Variants in ZMAT4 observed in about 807,000 individuals in gnomAD.
ZMAT4 encodes zinc finger matrin-type 4.
In ZMAT4, 17 loss-of-function variants were observed where a neutral mutation model predicts 28.7. That is an observed-to-expected ratio of 0.59 (90% CI 0.41 to 0.89). The LOEUF is 0.89. Among genes scored for constraint, ZMAT4 ranks in the 40% least tolerant of loss-of-function variants. ZMAT4 has a pLI of 0.00. For missense variants in ZMAT4, 240 were observed against 283.8 expected (o/e 0.85, Z 1.11); for synonymous variants, 117 against 109.2 (o/e 1.07, Z -0.44).
At chr8:40,727,447 A>C (rs1026228778) in intron 3 of ZMAT4, among the ~76,000 whole-genome samples, 7 of 152,222 alleles carry the variant, frequency 4.6e-5, no homozygotes, top group Non-Finnish European at 8.8e-5. Context: ...CAAAGGCCAC[A>C]GCTTAATCCA....
At chr8:40,891,217 G>GGAGAA (rs1440958217) in intron 1 of ZMAT4, among the ~76,000 whole-genome samples, 1 of 41,722 alleles carries the variant, frequency 2.4e-5, no homozygotes, top group Non-Finnish European at 4.7e-5. Context: ...GGAGAGGAGA[G>GGAGAA]GAGAGGAGAA....
At chr8:40,845,697 A>G (rs1433066187) in intron 1 of ZMAT4, among the ~76,000 whole-genome samples, 1 of 150,674 alleles carries the variant, frequency 6.6e-6, no homozygotes, top group Non-Finnish European at 1.5e-5. Context: ...TGCTGTCCCA[A>G]GGAATTGCAA....
At chr8:40,586,800 C>T (rs962592023) in intron 5 of ZMAT4, among the ~76,000 whole-genome samples, 2 of 152,040 alleles carry the variant, frequency 1.3e-5, no homozygotes, top group African/African-American at 4.8e-5. Context: ...AGACAGAGTA[C>T]ATTTTCTTAT....
At chr8:40,590,757 T>C (rs1457975084) in intron 5 of ZMAT4, among the ~76,000 whole-genome samples, 2 of 151,560 alleles carry the variant, frequency 1.3e-5, no homozygotes, top group African/African-American at 4.8e-5. Flanking sequence ...GAATCAACAG[T>C]CATATTGAAC....
At chr8:40,551,123 C>A (rs894498700) in intron 6 of ZMAT4, among the ~76,000 whole-genome samples, 9 of 152,048 alleles carry the variant, frequency 5.9e-5, no homozygotes, top group Non-Finnish European at 1.0e-4. Flanking sequence ...GCCTACAATC[C>A]ATAATGGTTC....
Position 40,697,369 on chromosome 8 carries a change from C to T in ZMAT4, c.225G>A (p.Lys75=), listed in dbSNP as rs1443722093. The T allele has an allele frequency of 6.2e-7, 1 of 1,609,000 alleles. No individual in the cohort carries two copies. The highest frequency in any genetic ancestry group is 1.3e-5 in the African/African-American group (1 of 74,718). The change falls in exon 4 of 7, where the codon AAG becomes AAA. Residue 75 remains lysine, a synonymous_variant. Coordinates refer to ENST00000297737, the MANE Select transcript of ZMAT4 (RefSeq NM_024645.3). ...GSDADMVDKN[K]CCTLCNMSFT... is the part of the protein sequence containing the mutation. ...ATGACATGTTGCAGAGTGTGCAGCA[C>T]TTGTTCTTATCCACCATGTCGGCAT...
intron 5 of ZMAT4, among the ~76,000 whole-genome samples, chr8:40,623,494 A>G (rs973832046): frequency 2.0e-5 from 3 of 152,224 alleles, no homozygotes; most frequent in Admixed American, 6.5e-5. Context: ...AGTTACTCAC[A>G]AGAGAAGCCA....
At chr8:40,589,405 T>A (rs1804777074) in intron 5 of ZMAT4, among the ~76,000 whole-genome samples, 2 of 152,172 alleles carry the variant, frequency 1.3e-5, no homozygotes, top group African/African-American at 4.8e-5. Context: ...TGAAAAGCTC[T>A]TTCAATATCA....
chr8:40,847,707 C>T (rs1400360803), intron 1 of ZMAT4, among the ~76,000 whole-genome samples: 1 of 152,116 alleles, frequency 6.6e-6, no homozygotes, highest in Non-Finnish European at 1.5e-5. Flanking sequence ...TTTCACGTTC[C>T]CTATAATTGG....
intron 6 of ZMAT4, among the ~76,000 whole-genome samples, chr8:40,532,767 G>A (rs910125956): frequency 6.6e-6 from 1 of 152,140 alleles, no homozygotes; most frequent in African/African-American, 2.4e-5. Flanking sequence ...GGAGGTAGAG[G>A]TGGGCAGATC....
intron 2 of ZMAT4, among the ~76,000 whole-genome samples, chr8:40,777,119 T>G (rs1331212324): frequency 1.3e-5 from 2 of 152,056 alleles, no homozygotes; most frequent in African/African-American, 4.8e-5. Flanking sequence ...TGTACAACTT[T>G]CACAAAATAA....
intron 1 of ZMAT4, among the ~76,000 whole-genome samples, chr8:40,885,606 C>T (rs147423386): frequency 6.6e-6 from 1 of 152,310 alleles, no homozygotes; most frequent in African/African-American, 2.4e-5. Flanking sequence ...CTCACTGCAG[C>T]CTCGAACTCC....
intron 3 of ZMAT4, among the ~76,000 whole-genome samples, chr8:40,698,086 G>T (rs977525415): frequency 6.6e-6 from 1 of 152,130 alleles, no homozygotes; most frequent in African/African-American, 2.4e-5. Flanking sequence ...GATTTTTAGA[G>T]ATTTCTTTAA....
chr8:40,865,100 C>T (rs923534880), intron 1 of ZMAT4, among the ~76,000 whole-genome samples: 1 of 152,138 alleles, frequency 6.6e-6, no homozygotes, highest in Admixed American at 6.5e-5. Flanking sequence ...TCCCTTTAAA[C>T]GTACGCTTTT....
At position 40,581,411 on chromosome 8, in the gene ZMAT4, C is replaced by G. The variant is rs1330751287; in HGVS notation, c.578-150G>C. The stretch of plus-strand genomic sequence containing the variant: ...TTCAACCCTTCCTTGCAGAGCACAG[C>G]CAACAGGTCTCTTAGCAGAAGTGTA... On this transcript the variant is annotated intron_variant, in intron 5 of 6. Transcript: ENST00000297737. 3 of 552,910 alleles carry G rather than the reference C, an allele frequency of 5.4e-6. No individual in the cohort carries two copies. In the African/African-American group the frequency reaches 5.6e-5, roughly 10 times the overall value. 34.3% of individuals were successfully genotyped at this position (552,910 alleles called of 1,614,324 possible).
chr8:40,788,942 T>G (rs1009595998), intron 2 of ZMAT4, among the ~76,000 whole-genome samples: 19 of 144,226 alleles, frequency 1.3e-4, no homozygotes, highest in Non-Finnish European at 2.1e-4. Context: ...TAATAGAATT[T>G]ATCATACCTA....
In ZMAT4 at chr8:40,611,857, A is replaced by G. The variant is rs373467271; in HGVS notation, c.578-30596T>C. On this transcript the variant is annotated intron_variant, in intron 5 of 6. Transcript: ENST00000297737. ...ACAGAGGTGAAAAATAAATTTTACT[A>G]TCATCTATTTTCATTTCACAGAAAA... 1.2e-4 allele frequency among the ~76,000 whole-genome samples: 19 copies of G among 152,220 alleles called. No homozygotes were observed. In the East Asian group the frequency reaches 1.7e-3, roughly 14 times the overall value.
intron 4 of ZMAT4, 45 bp downstream of exon 4, chr8:40,697,195 CCAGCA>C: frequency 6.6e-7 from 1 of 1,516,288 alleles, no homozygotes; most frequent in Non-Finnish European, 8.9e-7. Flanking sequence ...GCAAGACAGG[CCAGCA>C]CTTGGTTTTC....
rs1247876303 is a variant in ZMAT4 at position 40,865,400 on chromosome 8, C to T, written c.-5+32283G>A. Among the ~76,000 whole-genome samples the T allele has an allele frequency of 3.3e-5, 5 of 152,318 alleles. No individual in the cohort carries two copies. In the East Asian group the frequency reaches 5.8e-4, roughly 18 times the overall value. On this transcript the variant is annotated intron_variant, in intron 1 of 6. Transcript: ENST00000297737. ...ATCACCACTGCAGCCTGTGCTAGGCCGTGCAGATCTGGGCCATGGAGAGGA... is the reference window on the plus strand; with the variant it reads ...ATCACCACTGCAGCCTGTGCTAGGCTGTGCAGATCTGGGCCATGGAGAGGA...
Sources: gnomAD v4.1 joint callset for allele counts (sites outside exome capture counted in the v4.1 genomes callset) on GRCh38, gnomAD v4.1.1 for gene constraint, MANE v1.5 for transcripts, NCBI Gene and HGNC (gene_info 2026-07-23, HGNC 2026-07-21) for gene names.